The following ANK2 variants were observed in gnomAD, a reference collection of about 807,000 sequenced individuals.
ANK2 encodes ankyrin 2.
ANK2 carries 83 observed loss-of-function variants against 360.5 expected under a neutral mutation model. The ratio of observed to expected loss-of-function variants is 0.23; its 90% confidence interval spans 0.19 to 0.28. The LOEUF (loss-of-function observed/expected upper bound fraction) is 0.28. ANK2 is among the 10% of genes least tolerant of loss of function. The pLI is 1.00. For synonymous variants in ANK2, 1,740 were observed against 1,759.5 expected (o/e 0.99, Z 0.28); for missense variants, 4,201 against 4,795.7 (o/e 0.88, Z 3.66).
At chr4:113,026,363 G>A (rs1009778764) in intron 2 of ANK2, among the ~76,000 whole-genome samples, 5 of 152,200 alleles carry the variant, frequency 3.3e-5, no homozygotes, top group Admixed American at 6.5e-5. Flanking sequence ...AGCCATATCC[G>A]GCCCACAGAT....
At chr4:113,361,933 T>C (rs948078738) in intron 39 of ANK2, among the ~76,000 whole-genome samples, 8 of 152,134 alleles carry the variant, frequency 5.3e-5, no homozygotes, top group African/African-American at 1.9e-4. Context: ...TGACATAGAA[T>C]GAAAAGTAAA....
chr4:112,780,765 C>G, the ANK2 span, among the ~76,000 whole-genome samples: 1 of 152,054 alleles, frequency 6.6e-6, no homozygotes, highest in African/African-American at 2.4e-5. Context: ...ACCATCTGAT[C>G]TCGTGAGAAC....
chr4:113,231,241 A>G (rs2153530942), intron 4 of ANK2, among the ~76,000 whole-genome samples: 1 of 151,934 alleles, frequency 6.6e-6, no homozygotes, highest in Non-Finnish European at 1.5e-5. Flanking sequence ...TTTAGTAGAG[A>G]CAGGGTTTCA....
intron 1 of ANK2, among the ~76,000 whole-genome samples, chr4:112,831,865 G>T (rs1440216446): frequency 6.6e-6 from 1 of 152,036 alleles, no homozygotes; most frequent in African/African-American, 2.4e-5. Flanking sequence ...TTTATGAACT[G>T]TAACACTCAT....
At chr4:112,791,629 C>T in the ANK2 span, among the ~76,000 whole-genome samples, 42 of 149,142 alleles carry the variant, frequency 2.8e-4, 1 homozygote, top group East Asian at 7.3e-3. Flanking sequence ...GCTGGGACTA[C>T]AGGCACCCGC....
intron 11 of ANK2, among the ~76,000 whole-genome samples, chr4:113,256,947 C>T (rs2049750025): frequency 2.6e-5 from 4 of 152,168 alleles, no homozygotes; most frequent in Admixed American, 2.0e-4. Flanking sequence ...TAAAATATCA[C>T]AGCCTGTTAA....
At chr4:112,968,463 T>C (rs2038194921) in intron 2 of ANK2, among the ~76,000 whole-genome samples, 1 of 152,266 alleles carries the variant, frequency 6.6e-6, no homozygotes, top group Non-Finnish European at 1.5e-5. Context: ...CATGGAACTC[T>C]GGGCCAGATT....
chr4:112,768,606 GT>G, the ANK2 span, among the ~76,000 whole-genome samples: 1 of 151,912 alleles, frequency 6.6e-6, no homozygotes, highest in Non-Finnish European at 1.5e-5. Context: ...GAGAATACCT[GT>G]TTTTCTACTT....
chr4:112,708,497 G>A, the ANK2 span, among the ~76,000 whole-genome samples: 6 of 152,178 alleles, frequency 3.9e-5, no homozygotes, highest in East Asian at 7.7e-4. Flanking sequence ...TATAAACATA[G>A]CTGGCAAATT....
At chr4:112,730,252 CAAAAAA>C in the ANK2 span, among the ~76,000 whole-genome samples, 21 of 50,904 alleles carry the variant, frequency 4.1e-4, no homozygotes, top group African/African-American at 1.4e-3. Context: ...GACTCTGTCT[CAAAAAA>C]AAAAAAAAAA....
chr4:112,722,090 G>A, the ANK2 span, among the ~76,000 whole-genome samples: 43 of 152,256 alleles, frequency 2.8e-4, no homozygotes, highest in African/African-American at 1.0e-3. Flanking sequence ...CATTATTCGA[G>A]CCATTTCTAA....
At chr4:112,981,038 C>A (rs1224963852) in intron 2 of ANK2, among the ~76,000 whole-genome samples, 1 of 152,214 alleles carries the variant, frequency 6.6e-6, no homozygotes, top group Non-Finnish European at 1.5e-5. Flanking sequence ...GGCTTGTATA[C>A]ACTTGTGTTC....
At chr4:112,789,192 G>C in the ANK2 span, among the ~76,000 whole-genome samples, 1 of 152,128 alleles carries the variant, frequency 6.6e-6, no homozygotes, top group Non-Finnish European at 1.5e-5. Flanking sequence ...GGAAAGTTCA[G>C]AAAGGACTCA....
At chr4:113,167,232 A>G (rs1180865358) in intron 1 of ANK2, among the ~76,000 whole-genome samples, 2 of 151,652 alleles carry the variant, frequency 1.3e-5, no homozygotes, top group Non-Finnish European at 2.9e-5. Context: ...TTTCAGGACT[A>G]CTCACATTTA....
chr4:112,764,044 A>G, the ANK2 span, among the ~76,000 whole-genome samples: 1 of 151,688 alleles, frequency 6.6e-6, no homozygotes, highest in African/African-American at 2.4e-5. Context: ...CCCTGGTTCA[A>G]GCAATTCTCT....
At chr4:113,231,077 A>T (rs191160783) in intron 4 of ANK2, among the ~76,000 whole-genome samples, 1 of 144,220 alleles carries the variant, frequency 6.9e-6, no homozygotes. Flanking sequence ...TTTGAGATGG[A>T]GTCTCACTCT....
chr4:112,798,310 A>G, the ANK2 span: 1 of 150,998 alleles, frequency 6.6e-6, no homozygotes. Context: ...TTTTTTTTTG[A>G]GACAGAGTTT....
chr4:113,333,330 G>C (rs2092914359), intron 29 of ANK2, 122 bp downstream of exon 29: 1 of 1,199,368 alleles, frequency 8.3e-7, no homozygotes, highest in African/African-American at 1.5e-5. Flanking sequence ...GTGTGTGTGT[G>C]TCCCTTGTGG....
At chr4:113,373,739 T>C (rs1293293436) in intron 45 of ANK2, 3 of 550,010 alleles carry the variant, frequency 5.5e-6, no homozygotes. Flanking sequence ...AAGTCAAATT[T>C]TGAAAGAATA....
Sources: gnomAD v4.1 joint callset for allele counts (sites outside exome capture counted in the v4.1 genomes callset) on GRCh38, gnomAD v4.1.1 for gene constraint, MANE v1.5 for transcripts, NCBI Gene and HGNC (gene_info 2026-07-23, HGNC 2026-07-21) for gene names.